The following KCNQ5 variants were observed in gnomAD, a reference collection of about 807,000 sequenced individuals.
The protein encoded by KCNQ5 is potassium voltage-gated channel subfamily Q member 5.
A neutral mutation model predicts 98.2 loss-of-function variants in KCNQ5; 30 were observed. That is an observed-to-expected ratio of 0.31 (90% confidence interval 0.23 to 0.41). KCNQ5 has a LOEUF of 0.41. Ranked by LOEUF, KCNQ5 falls within the 10% of genes least tolerant of loss-of-function variation. KCNQ5 has a pLI of 1.00. For missense variants in KCNQ5, 835 were observed against 1,182.5 expected (o/e 0.71, Z 4.31); for synonymous variants, 458 against 449.4 (o/e 1.02, Z -0.24).
At chr6:73,153,491 A>C (rs568889281) in intron 10 of KCNQ5, among the ~76,000 whole-genome samples, 139 of 152,262 alleles carry the variant, frequency 9.1e-4, no homozygotes, top group African/African-American at 3.2e-3. Flanking sequence ...CACAGCATAA[A>C]CTATAATCCT....
chr6:73,137,342 G>A (rs1172316426), intron 10 of KCNQ5, among the ~76,000 whole-genome samples: 2 of 152,154 alleles, frequency 1.3e-5, no homozygotes, highest in Non-Finnish European at 2.9e-5. Flanking sequence ...GAAAGTAGCA[G>A]GCAGATGCTG....
intron 1 of KCNQ5, among the ~76,000 whole-genome samples, chr6:72,731,558 C>A (rs6453600): frequency 1.3e-5 from 2 of 152,114 alleles, no homozygotes; most frequent in South Asian, 4.2e-4. Context: ...ATCTCCATCC[C>A]CAAGTTTGCC....
chr6:72,698,659 T>C (rs868720684), intron 1 of KCNQ5, among the ~76,000 whole-genome samples: 7,939 of 142,520 alleles, frequency 0.056, 776 homozygotes, highest in African/African-American at 0.19. Context: ...TTTTTTTTTT[T>C]TTTTTTTTTT....
chr6:72,679,541 G>T (rs527397513), intron 1 of KCNQ5, among the ~76,000 whole-genome samples: 3 of 144,560 alleles, frequency 2.1e-5, no homozygotes, highest in African/African-American at 7.7e-5. Context: ...CATGGACACA[G>T]GAAGGGGAAC....
intron 1 of KCNQ5, among the ~76,000 whole-genome samples, chr6:72,830,133 A>G (rs971086531): frequency 6.6e-6 from 1 of 152,204 alleles, no homozygotes; most frequent in African/African-American, 2.4e-5. Flanking sequence ...AGGAAGAATC[A>G]ATATCGTGAA....
chr6:72,704,101 A>G (rs953936451), intron 1 of KCNQ5, among the ~76,000 whole-genome samples: 5 of 152,196 alleles, frequency 3.3e-5, no homozygotes, highest in Admixed American at 3.3e-4. Context: ...AATTTTTAAC[A>G]ACAGTTTCTG....
intron 1 of KCNQ5, among the ~76,000 whole-genome samples, chr6:72,956,291 CA>C (rs1382818604): frequency 6.6e-6 from 1 of 152,052 alleles, no homozygotes; most frequent in East Asian, 1.9e-4. Flanking sequence ...AGAAAAGATC[CA>C]AACCAGAGCC....
chr6:72,856,938 G>T (rs768711032), intron 1 of KCNQ5, among the ~76,000 whole-genome samples: 6 of 152,136 alleles, frequency 3.9e-5, no homozygotes, highest in Non-Finnish European at 8.8e-5. Context: ...TATGCCTGAG[G>T]GTTATGGACT....
Position 73,175,088 on chromosome 6 carries a change from G to A in KCNQ5, c.1577+5234G>A, listed in dbSNP as rs986659436. ...GCATCTCCTTCACCTGGAAGCACTT[G>A]CCATTTTCCCCTTGAAGTTACCTTC... On this transcript the variant is annotated intron_variant, in intron 11 of 13. Transcript: ENST00000370398. 3.3e-5 allele frequency among the ~76,000 whole-genome samples: 5 copies of A among 151,778 alleles called. No individual in the cohort carries two copies. In the East Asian group the frequency reaches 5.8e-4, roughly 18 times the overall value.
In KCNQ5 at chr6:72,674,216, A is replaced by ATT. The variant is rs929476247; in HGVS notation, c.398+51639_398+51640dup. On this transcript the variant is annotated intron_variant, in intron 1 of 13. Transcript: ENST00000370398. ...TATCTGTCCATCATCCAATGTTTTG[A>ATT]TTTTTTTTTTTGGAGAAATTATTTC... is the stretch of plus-strand genomic sequence containing the variant. Among the ~76,000 whole-genome samples, 62 of 147,070 alleles carry ATT rather than the reference A, an allele frequency of 4.2e-4. 1 individual carries two copies. Among genetic ancestry groups the ATT allele is most frequent in the African/African-American group, 1.4e-3 (58 of 40,358 alleles).
intron 1 of KCNQ5, among the ~76,000 whole-genome samples, chr6:72,755,162 C>A (rs181271915): frequency 8.8e-4 from 133 of 151,972 alleles, no homozygotes; most frequent in African/African-American, 3.0e-3. Context: ...CTCCAGCTTT[C>A]TTTTGATTAG....
At chr6:73,148,486 C>A (rs982418597) in intron 10 of KCNQ5, among the ~76,000 whole-genome samples, 30 of 152,118 alleles carry the variant, frequency 2.0e-4, no homozygotes, top group African/African-American at 6.5e-4. Context: ...AATGAAAAAT[C>A]AAGTTTACCA....
At chr6:73,073,428 C>T (rs909131964) in intron 3 of KCNQ5, among the ~76,000 whole-genome samples, 3 of 152,154 alleles carry the variant, frequency 2.0e-5, no homozygotes, top group Non-Finnish European at 2.9e-5. Flanking sequence ...GGATGGTTAG[C>T]AGCAACCCTA....
At chr6:72,927,573 G>A (rs1343018529) in intron 1 of KCNQ5, among the ~76,000 whole-genome samples, 2 of 151,968 alleles carry the variant, frequency 1.3e-5, no homozygotes, top group Non-Finnish European at 2.9e-5. Context: ...TCAATCTAGA[G>A]AAATGAGAAA....
At chr6:72,758,449 C>T (rs1262125868) in intron 1 of KCNQ5, among the ~76,000 whole-genome samples, 4 of 152,080 alleles carry the variant, frequency 2.6e-5, no homozygotes, top group Non-Finnish European at 5.9e-5. Flanking sequence ...CATAAATTTA[C>T]CAATCTGTAG....
chr6:72,686,717 G>GT (rs1554688157), intron 1 of KCNQ5, among the ~76,000 whole-genome samples: 22,129 of 97,666 alleles, frequency 0.23, 2,080 homozygotes, highest in East Asian at 0.47. Context: ...TTTATGGGTT[G>GT]TTTTTTTTTT....
intron 1 of KCNQ5, among the ~76,000 whole-genome samples, chr6:72,782,575 C>T (rs1773542284): frequency 6.6e-6 from 1 of 152,146 alleles, no homozygotes; most frequent in Non-Finnish European, 1.5e-5. Flanking sequence ...GAACGCAGAT[C>T]ATAAGCTCAG....
At chr6:72,845,187 G>C (rs141634929) in intron 1 of KCNQ5, among the ~76,000 whole-genome samples, 1 of 152,140 alleles carries the variant, frequency 6.6e-6, no homozygotes, top group Non-Finnish European at 1.5e-5. Flanking sequence ...TATTTGCAGA[G>C]TATGTATACA....
At chr6:73,032,927 C>A (rs1771217540) in intron 2 of KCNQ5, among the ~76,000 whole-genome samples, 1 of 152,060 alleles carries the variant, frequency 6.6e-6, no homozygotes, top group Admixed American at 6.6e-5. Context: ...AAGGGGAAAG[C>A]CTAAGACATC....
Sources: gnomAD v4.1 joint callset for allele counts (sites outside exome capture counted in the v4.1 genomes callset) on GRCh38, gnomAD v4.1.1 for gene constraint, MANE v1.5 for transcripts, NCBI Gene and HGNC (gene_info 2026-07-23, HGNC 2026-07-21) for gene names.